SEMA4A: variants seen among roughly 807,000 people sequenced by gnomAD.
The protein encoded by SEMA4A is semaphorin-4A.
A neutral mutation model predicts 72.5 loss-of-function variants in SEMA4A; 52 were observed. That is an observed-to-expected ratio of 0.72 (90% CI 0.57 to 0.90). The LOEUF (loss-of-function observed/expected upper bound fraction) is 0.90. Among genes scored for constraint, SEMA4A ranks in the 40% least tolerant of loss-of-function variants. SEMA4A has a pLI of 0.00. For missense variants in SEMA4A, 926 were observed against 959.7 expected (o/e 0.96, Z 0.46); for synonymous variants, 369 against 393.1 (o/e 0.94, Z 0.73).
At position 156,174,865 on chromosome 1, in the gene SEMA4A, T is replaced by A. The variant is rs1189301126; in HGVS notation, c.1359T>A (p.Ser453Arg). Residue 453 changes from serine (S) to arginine (R), a missense_variant, in exon 12 of 15, where the codon AGT (serine) becomes AGA (arginine). Transcript: ENST00000368285. ...LHKAVVSGDS[S>R]AHLVEEIQLF... ...AGGCTGTGGTAAGTGGGGACAGCAGTGCTCATCTGGTGGAAGAGATTCAGC... is the reference window on the plus strand; with the variant it reads ...AGGCTGTGGTAAGTGGGGACAGCAGAGCTCATCTGGTGGAAGAGATTCAGC... The A allele has an allele frequency of 6.2e-7, 1 of 1,614,162 alleles. No homozygotes were observed. The highest frequency in any genetic ancestry group is 1.1e-5 in the South Asian group (1 of 91,080).
At chr1:156,150,636 C>G (rs1228891725), upstream of SEMA4A, among the ~76,000 whole-genome samples, 1 of 152,028 alleles carries the variant, frequency 6.6e-6, no homozygotes, top group Non-Finnish European at 1.5e-5. Flanking sequence ...GTGCAGCATC[C>G]GTGTTCTGCA....
At chr1:156,152,939 C>T (rs1652669039), upstream of SEMA4A, among the ~76,000 whole-genome samples, 2 of 152,110 alleles carry the variant, frequency 1.3e-5, no homozygotes, top group Admixed American at 6.6e-5. Flanking sequence ...TCATTAACCC[C>T]GCGTTATGAG....
Position 156,158,759 on chromosome 1 carries a change from AG to A in SEMA4A, c.505del (p.Val169SerfsTer30). On this transcript the variant is annotated frameshift_variant, in exon 6 of 15. Transcript: ENST00000368285. LOFTEE classifies it high-confidence loss of function. The stretch of plus-strand genomic sequence containing the variant: ...TACCTGTTGCCCATCTCGGAGGACA[AG>A]GTCATGGAGGGAAAAGGCCAAAGCC... Reference protein sequence around the residue: ...DSYLLPISEDKVMEGKGQSPF... With the variant: ...DSYLLPISEDXVMEGKGQSPF... The A allele has an allele frequency of 6.2e-7, 1 of 1,613,892 alleles. No homozygotes were observed.
rs1241386216 is a variant in SEMA4A at position 156,163,107 on chromosome 1, C to T, written c.1134+13C>T. 1.2e-6 allele frequency: 2 copies of T among 1,607,866 alleles called. No individual in the cohort carries two copies. The highest frequency in any genetic ancestry group is 1.7e-6 in the Non-Finnish European group (2 of 1,176,320). On this transcript the variant is annotated intron_variant, in intron 10 of 14. Coordinates refer to ENST00000368285, the MANE Select transcript of SEMA4A (RefSeq NM_022367.4). Reference sequence around the variant, plus strand: ...CCGGCCAGGCAGTGTGAGTACTACCCCCCACACTGAGCACAGTCTACACAT... The same window carrying T: ...CCGGCCAGGCAGTGTGAGTACTACCTCCCACACTGAGCACAGTCTACACAT...
At chr1:156,158,364 A>C (rs1361207954) in intron 4 of SEMA4A, 24 bp from the exon 5 acceptor site, 2 of 1,584,908 alleles carry the variant, frequency 1.3e-6, no homozygotes, top group Non-Finnish European at 8.7e-7. Flanking sequence ...TGGCCTGGAG[A>C]CCTAAATTCT....
At chr1:156,172,405 T>C (rs1005838354) in intron 10 of SEMA4A, among the ~76,000 whole-genome samples, 4 of 152,162 alleles carry the variant, frequency 2.6e-5, no homozygotes, top group African/African-American at 9.7e-5. Flanking sequence ...TGTGAGCCAC[T>C]GCGCCCAGCC....
At chr1:156,165,822 G>T (rs1231746285) in intron 10 of SEMA4A, among the ~76,000 whole-genome samples, 5 of 150,780 alleles carry the variant, frequency 3.3e-5, no homozygotes, top group Admixed American at 1.3e-4. Flanking sequence ...ATTGTGCTGG[G>T]TACTCAATGG....
chr1:156,154,456 C>CA (rs1404010664), intron 1 of SEMA4A, 94 bp from the exon 2 acceptor site: 16 of 1,184,182 alleles, frequency 1.4e-5, no homozygotes, highest in Non-Finnish European at 1.9e-5. Context: ...CACCAATACA[C>CA]ACGCTTCTGC....
intron 11 of SEMA4A, among the ~76,000 whole-genome samples, chr1:156,174,589 G>A (rs1396740512): frequency 6.6e-6 from 1 of 152,164 alleles, no homozygotes; most frequent in African/African-American, 2.4e-5. Flanking sequence ...TTTCTCCAGG[G>A]ACAAAGTTTT....
At chr1:156,174,440 A>T (rs1655107616) in intron 11 of SEMA4A, among the ~76,000 whole-genome samples, 1 of 152,194 alleles carries the variant, frequency 6.6e-6, no homozygotes, top group Non-Finnish European at 1.5e-5. Context: ...AATGCCAGGT[A>T]AGGAGGTTGC....
At chr1:156,172,157 G>A (rs1204113419) in intron 10 of SEMA4A, among the ~76,000 whole-genome samples, 5 of 150,068 alleles carry the variant, frequency 3.3e-5, no homozygotes, top group African/African-American at 1.2e-4. Flanking sequence ...TCTCTCTGTC[G>A]CCCAGGTTGG....
rs1652875202 is a variant in SEMA4A at position 156,154,920 on chromosome 1, A to T, written c.139+203A>T. On this transcript the variant is annotated intron_variant, in intron 2 of 14. Coordinates refer to ENST00000368285, the MANE Select transcript of SEMA4A (RefSeq NM_022367.4). ...TCCAAAAGGAAAGAAAAGCCACTGG[A>T]GAGCAGATTGAGGAAAACAGGTGGC... 2.0e-5 allele frequency: 14 copies of T among 694,518 alleles called. No individual in the cohort carries two copies. The South Asian group carries it at 2.9e-4, about 14-fold the overall frequency. The allele number at this position is 694,518 out of a possible 1,614,324, so 43.0% of individuals were successfully genotyped here.
rs1304742748 is a variant in SEMA4A, at chr1:156,161,340, C to G, written c.811-6C>G. ...GGGCGCCCCCTGACTCCCCCTGTGCCCCCAGAATGACGTGGGCGGCGAAAA... is the reference window on the plus strand; with the variant it reads ...GGGCGCCCCCTGACTCCCCCTGTGCGCCCAGAATGACGTGGGCGGCGAAAA... On this transcript the variant is annotated splice_polypyrimidine_tract_variant and splice_region_variant and intron_variant, in intron 8 of 14. Transcript: ENST00000368285. The G allele has an allele frequency of 3.1e-6, 5 of 1,610,572 alleles. No individual in the cohort carries two copies. The highest frequency in any genetic ancestry group is 3.4e-6 in the Non-Finnish European group (4 of 1,179,224).
chr1:156,161,740 C>T, intron 9 of SEMA4A: 1 of 542,802 alleles, frequency 1.8e-6, no homozygotes, highest in East Asian at 3.1e-5. Context: ...TATATTCTGC[C>T]TAGTTCCAAA....
rs1572428364 is a variant in SEMA4A at position 156,174,939 on chromosome 1, A to G, written c.1433A>G (p.Gln478Arg). The change falls in exon 12 of 15, where the codon CAG (glutamine) becomes CGG (arginine). Residue 478 changes from glutamine to arginine, a missense_variant and splice_region_variant. Coordinates refer to ENST00000368285, the MANE Select transcript of SEMA4A (RefSeq NM_022367.4). Reference protein sequence around the residue: ...PVRNLQLAPTQGAVFVGFSGG... With the variant: ...PVRNLQLAPTRGAVFVGFSGG... ...CGCAACCTGCAGCTGGCCCCCACCCAGGTGGGAAGGGACCTGACCATCAAA... is the reference window on the plus strand; with the variant it reads ...CGCAACCTGCAGCTGGCCCCCACCCGGGTGGGAAGGGACCTGACCATCAAA... The G allele has an allele frequency of 5.6e-6, 9 of 1,614,194 alleles. No individual in the cohort carries two copies. In the East Asian group the frequency reaches 1.6e-4, roughly 28 times the overall value.
chr1:156,159,040 A>G, intron 6 of SEMA4A: 2 of 564,816 alleles, frequency 3.5e-6, no homozygotes, highest in Non-Finnish European at 3.1e-6. Context: ...TCAAAAAAAA[A>G]AAAAAAAAGC....
chr1:156,148,224 C>T (rs1463875088), upstream of SEMA4A, among the ~76,000 whole-genome samples: 1 of 152,222 alleles, frequency 6.6e-6, no homozygotes, highest in Admixed American at 6.5e-5. Context: ...TGCAGTTCAC[C>T]TGCTTCCTTC....
Position 156,175,102 on chromosome 1 carries a change from G to A in SEMA4A, c.1451G>A (p.Gly484Asp). The A allele has an allele frequency of 1.2e-6, 2 of 1,614,184 alleles. No individual in the cohort carries two copies. Among genetic ancestry groups the A allele is most frequent in the Non-Finnish European group, 1.7e-6 (2 of 1,180,028 alleles). Reference sequence around the variant, plus strand: ...CTCTTCCAGGGTGCAGTGTTTGTAGGCTTCTCAGGAGGTGTCTGGAGGGTG... The same window carrying A: ...CTCTTCCAGGGTGCAGTGTTTGTAGACTTCTCAGGAGGTGTCTGGAGGGTG... ...LAPTQGAVFVGFSGGVWRVPR... is the reference protein window; with the variant it reads ...LAPTQGAVFVDFSGGVWRVPR... The change falls in exon 13 of 15, where the codon GGC becomes GAC. Residue 484 changes from glycine to aspartate, a missense_variant. Gly to Asp is a moderately conservative substitution (Grantham distance 94). Transcript: ENST00000368285.
Position 156,177,217 on chromosome 1 carries a change from A to C in SEMA4A, c.*220A>C. ...TTCTACCAAGCACATGAGCTCTCTA[A>C]CAGGGTGGGGGCTACCCCCAGACCT... On this transcript the variant is annotated 3_prime_UTR_variant, in exon 15 of 15. Coordinates refer to ENST00000368285, the MANE Select transcript of SEMA4A (RefSeq NM_022367.4). The C allele has an allele frequency of 1.6e-6, 1 of 619,206 alleles. No homozygotes were observed. Among genetic ancestry groups the C allele is most frequent in the Non-Finnish European group, 2.9e-6 (1 of 343,226 alleles). 38.4% of individuals were successfully genotyped at this position (619,206 alleles called of 1,614,324 possible). A position where few individuals can be genotyped will look rare whatever the true frequency, so the allele number is the denominator to read the frequency against.
Sources: allele counts gnomAD v4.1 joint callset (sites outside exome capture counted in the v4.1 genomes callset), GRCh38; gene constraint gnomAD v4.1.1; transcripts MANE v1.5; gene names NCBI Gene and HGNC (gene_info 2026-07-23, HGNC 2026-07-21).